MRM1: variants seen among roughly 807,000 people sequenced by gnomAD.
MRM1 encodes the protein mitochondrial rRNA methyltransferase 1, also known as rRNA methyltransferase 1, mitochondrial.
MRM1 carries 24 observed loss-of-function variants against 25.0 expected under a neutral mutation model. The ratio of observed to expected loss-of-function variants is 0.96; its 90% CI spans 0.69 to 1.35. The LOEUF (loss-of-function observed/expected upper bound fraction) is 1.35. MRM1 is among the 40% of genes most tolerant of loss of function. The pLI is 0.00. For missense variants in MRM1, 431 were observed against 464.1 expected (o/e 0.93, Z 0.65); for synonymous variants, 188 against 199.2 (o/e 0.94, Z 0.47).
Position 36,602,793 on chromosome 17 carries a change from C to T in MRM1, c.636+147C>T, listed in dbSNP as rs999101072. On this transcript the variant is annotated intron_variant, in intron 2 of 4. Transcript: ENST00000614766. This position sits in a 1 kb window ranked among gnomAD's most constrained non-coding sequence, Gnocchi z 4.1. ...TAAATCCCTCTGGGGATGGAAGGGT[C>T]CTGGAGTTTTTAAAACGGCAAATGG... is the stretch of plus-strand genomic sequence containing the variant. The T allele has an allele frequency of 2.1e-5, 26 of 1,222,850 alleles. No homozygotes were observed. The highest frequency in any genetic ancestry group is 1.6e-4 in the South Asian group (11 of 68,136). 75.7% of individuals were successfully genotyped at this position (1,222,850 alleles called of 1,614,324 possible).
chr17:36,608,544 G>A lies in MRM1; in HGVS notation c.*129G>A, dbSNP rs545817849. 5,619 of 515,882 alleles carry A rather than the reference G, an allele frequency of 0.011. 742 individuals are homozygous for A. The highest frequency in any genetic ancestry group is 0.044 in the Middle Eastern group (77 of 1,770). The allele number at this position is 515,882 out of a possible 1,614,324, so 32.0% of individuals were successfully genotyped here. The stretch of plus-strand genomic sequence containing the variant: ...CATGTTTATTGACCACAGTCTGGGG[G>A]GGGGGGAAGGGGACTGCGGTGGACA... On this transcript the variant is annotated 3_prime_UTR_variant, in exon 5 of 5. Transcript: ENST00000614766.
At chr17:36,623,718 C>T in the MRM1 span, among the ~76,000 whole-genome samples, 1 of 152,166 alleles carries the variant, frequency 6.6e-6, no homozygotes. Context: ...CCTGGGGGCT[C>T]CCTGGTTGGT....
chr17:36,613,248 G>A (rs1024470905), downstream of MRM1, among the ~76,000 whole-genome samples: 37 of 151,872 alleles, frequency 2.4e-4, no homozygotes, highest in African/African-American at 8.2e-4. Flanking sequence ...TCCCACCCCC[G>A]CTTTGCCGAC....
chr17:36,610,938 C>T (rs962204908), downstream of MRM1, among the ~76,000 whole-genome samples: 16 of 152,240 alleles, frequency 1.1e-4, no homozygotes, highest in African/African-American at 3.9e-4. Flanking sequence ...CTCAGCCTCC[C>T]AAGTAGCTGG....
rs778607954 is a variant in MRM1, at chr17:36,602,046, C to T, written c.236C>T (p.Ala79Val). The T allele has an allele frequency of 1.2e-6, 2 of 1,610,330 alleles. No individual in the cohort carries two copies. The highest frequency in any genetic ancestry group is 1.7e-6 in the Non-Finnish European group (2 of 1,178,940). The change falls in exon 1 of 5, where the codon GCT (alanine) becomes GTT (valine). Residue 79 changes from alanine to valine, a missense_variant. Transcript: ENST00000614766. This position sits in a 1 kb window ranked among gnomAD's most constrained non-coding sequence, Gnocchi z 4.1. ...VARLLLQAGKAGLQGKRAELL... is the reference protein window; with the variant it reads ...VARLLLQAGKVGLQGKRAELL... ...CGGCTCCTGCTCCAGGCGGGTAAAG[C>T]TGGGCTGCAGGGGAAGCGGGCCGAG...
At chr17:36,604,835 C>T (rs1324607143) in intron 2 of MRM1, among the ~76,000 whole-genome samples, 1 of 147,314 alleles carries the variant, frequency 6.8e-6, no homozygotes, top group Non-Finnish European at 1.5e-5. Flanking sequence ...TGGCCGGGAG[C>T]GGTTGTTAAG....
chr17:36,629,688 A>G, the MRM1 span, among the ~76,000 whole-genome samples: 1 of 119,170 alleles, frequency 8.4e-6, no homozygotes, highest in Non-Finnish European at 1.7e-5. Flanking sequence ...CAGTGGGAGG[A>G]GCAGAGGGAC....
At chr17:36,610,556 ACTC>A (rs35650429), downstream of MRM1, among the ~76,000 whole-genome samples, 9,474 of 151,866 alleles carry the variant, frequency 0.062, 506 homozygotes, top group African/African-American at 0.13. Context: ...AGTCAAAGTT[ACTC>A]CTCTCAAGAA....
chr17:36,615,721 C>A, the MRM1 span, among the ~76,000 whole-genome samples: 2 of 151,510 alleles, frequency 1.3e-5, no homozygotes, highest in Non-Finnish European at 2.9e-5. Flanking sequence ...CTAAGCCAGG[C>A]GTGGTGGCTC....
the MRM1 span, among the ~76,000 whole-genome samples, chr17:36,614,931 A>T: frequency 6.6e-6 from 1 of 152,184 alleles, no homozygotes; most frequent in African/African-American, 2.4e-5. Context: ...AGCCCTGAGG[A>T]CCATTAGCAC....
intron 2 of MRM1, among the ~76,000 whole-genome samples, chr17:36,604,650 C>CA (rs1266021597): frequency 4.0e-5 from 6 of 151,858 alleles, no homozygotes; most frequent in Middle Eastern, 3.4e-3. Flanking sequence ...ACTAAAAATA[C>CA]AAAAAATTAG....
the MRM1 span, among the ~76,000 whole-genome samples, chr17:36,623,454 G>A: frequency 6.6e-6 from 1 of 152,208 alleles, no homozygotes; most frequent in Admixed American, 6.5e-5. Context: ...TTAGGGGTGT[G>A]CTCGAGGTTT....
rs556144572 is a variant in MRM1, at chr17:36,608,546, G to T, written c.*131G>T. On this transcript the variant is annotated 3_prime_UTR_variant, in exon 5 of 5. Coordinates refer to ENST00000614766, the MANE Select transcript of MRM1 (RefSeq NM_024864.5). ...TGTTTATTGACCACAGTCTGGGGGGGGGGGAAGGGGACTGCGGTGGACACC... is the reference window on the plus strand; with the variant it reads ...TGTTTATTGACCACAGTCTGGGGGGTGGGGAAGGGGACTGCGGTGGACACC... 142 of 518,060 alleles carry T rather than the reference G, an allele frequency of 2.7e-4. 13 individuals carry two copies. The South Asian group carries it at 5.7e-3, about 21-fold the overall frequency. The allele number at this position is 518,060 out of a possible 1,614,324, so 32.1% of individuals were successfully genotyped here.
At chr17:36,608,116 G>A in intron 4 of MRM1, 98 bp downstream of exon 4, 1 of 1,539,706 alleles carries the variant, frequency 6.5e-7, no homozygotes, top group Non-Finnish European at 8.8e-7. Flanking sequence ...GTGTGCCTCA[G>A]TTGCTTTATG....
chr17:36,625,723 A>C, the MRM1 span, among the ~76,000 whole-genome samples: 1 of 151,844 alleles, frequency 6.6e-6, no homozygotes, highest in African/African-American at 2.4e-5. Flanking sequence ...TGGCCTCCCA[A>C]AGTGCTGGGA....
rs747170254 is a variant in MRM1, at chr17:36,602,611, G to A, written c.601G>A (p.Val201Met). 6.2e-7 allele frequency: 1 copy of A among 1,614,090 alleles called. No individual in the cohort carries two copies. The highest frequency in any genetic ancestry group is 8.5e-7 in the Non-Finnish European group (1 of 1,180,048). The change falls in exon 2 of 5, where the codon GTG (valine) becomes ATG (methionine). Residue 201 changes from valine (V) to methionine (M), a missense_variant. Val to Met is a conservative substitution (Grantham distance 21). Coordinates refer to ENST00000614766, the MANE Select transcript of MRM1 (RefSeq NM_024864.5). The surrounding 1 kb of genome is among the most constrained non-coding windows in gnomAD (Gnocchi z 4.1). The part of the protein sequence containing the change: ...SSAGAMEVMD[V>M]FSTDDLTGFL... ...CGCGGGGGCTATGGAGGTGATGGAC[G>A]TGTTCTCCACTGATGACCTCACCGG...
In MRM1 at chr17:36,608,313, C is replaced by T. The variant is rs768747286; in HGVS notation, c.960C>T (p.Leu320=). The T allele has an allele frequency of 2.5e-6, 4 of 1,610,048 alleles. No individual in the cohort carries two copies. The Admixed American group carries it at 6.8e-5, about 27-fold the overall frequency. Residue 320 remains leucine (L), a synonymous_variant, in exon 5 of 5, where the codon CTC becomes CTT. Coordinates refer to ENST00000614766, the MANE Select transcript of MRM1 (RefSeq NM_024864.5). ...FPTEGERRQL[L]QDPQEPSARS... is the part of the protein sequence containing the mutation. ...CAGAGGGGGAGAGAAGGCAGCTTCT[C>T]CAAGACCCCCAAGAACCCTCAGCCA... is the stretch of plus-strand genomic sequence containing the variant.
the MRM1 span, among the ~76,000 whole-genome samples, chr17:36,614,781 T>C: frequency 6.6e-6 from 1 of 152,250 alleles, no homozygotes; most frequent in Non-Finnish European, 1.5e-5. Context: ...ATTGTAGTTA[T>C]TTTATGGGCA....
the MRM1 span, among the ~76,000 whole-genome samples, chr17:36,624,678 C>T: frequency 1.6e-3 from 243 of 152,294 alleles, no homozygotes; most frequent in Admixed American, 2.5e-3. The surrounding 1 kb of genome is among the most constrained non-coding windows in gnomAD (Gnocchi z 4.0). Flanking sequence ...TGCTTCTCTT[C>T]TTGCTTTTGG....
Sources: gnomAD v4.1 joint callset for allele counts (sites outside exome capture counted in the v4.1 genomes callset) on GRCh38, gnomAD v4.1.1 for gene constraint, Gnocchi (gnomAD v3.1) non-coding constraint, MANE v1.5 for transcripts, NCBI Gene and HGNC (gene_info 2026-07-23, HGNC 2026-07-21) for gene names.